Variants in ZNF69 observed in about 807,000 individuals in gnomAD.
ZNF69 encodes the protein ZNF3.
ZNF69 carries 47 observed loss-of-function variants against 50.9 expected under a neutral mutation model. The observed-to-expected ratio is 0.92, with a 90% CI of 0.73 to 1.18. ZNF69 has a LOEUF of 1.18. Ranked by LOEUF, ZNF69 falls within the 50% of genes most tolerant of loss-of-function variation. The pLI is 0.00. For synonymous variants in ZNF69, 216 were observed against 223.1 expected (o/e 0.97, Z 0.29); for missense variants, 717 against 675.1 (o/e 1.06, Z -0.69).
intron 1 of ZNF69, among the ~76,000 whole-genome samples, chr19:11,891,707 G>A (rs549056258): frequency 3.3e-5 from 5 of 152,230 alleles, no homozygotes; most frequent in Admixed American, 2.6e-4. Context: ...TATTGTTATG[G>A]GTATTGGGAC....
At chr19:11,932,758 C>T in the ZNF69 span, among the ~76,000 whole-genome samples, 1 of 146,632 alleles carries the variant, frequency 6.8e-6, no homozygotes, top group Non-Finnish European at 1.5e-5. Flanking sequence ...CTGTCTCAGC[C>T]TCCCAAGTAG....
the ZNF69 span, among the ~76,000 whole-genome samples, chr19:11,966,105 G>A: frequency 6.6e-6 from 1 of 152,144 alleles, no homozygotes; most frequent in Non-Finnish European, 1.5e-5. Context: ...GAATTCCAAG[G>A]CATGACTTAC....
At chr19:11,979,693 C>G in the ZNF69 span, 1 of 1,601,502 alleles carries the variant, frequency 6.2e-7, no homozygotes, top group Non-Finnish European at 8.5e-7. Context: ...CTGGGACTCA[C>G]CCTGAAGAGA....
chr19:11,944,557 A>T, the ZNF69 span, among the ~76,000 whole-genome samples: 1 of 152,218 alleles, frequency 6.6e-6, no homozygotes, highest in Non-Finnish European at 1.5e-5. Flanking sequence ...ACCTAGGAAT[A>T]AGATCTTGAA....
chr19:11,910,898 G>A (rs1165843671), downstream of ZNF69, among the ~76,000 whole-genome samples: 2 of 152,028 alleles, frequency 1.3e-5, no homozygotes, highest in Non-Finnish European at 2.9e-5. Flanking sequence ...CTACAGAATG[G>A]GAGAAAATTT....
At chr19:11,979,517 A>G in the ZNF69 span, 3 of 1,603,012 alleles carry the variant, frequency 1.9e-6, no homozygotes, top group South Asian at 1.1e-5. Flanking sequence ...AAGACATGAA[A>G]AAACTCACAC....
chr19:11,964,291 G>A, the ZNF69 span, among the ~76,000 whole-genome samples: 1 of 152,210 alleles, frequency 6.6e-6, no homozygotes, highest in African/African-American at 2.4e-5. Flanking sequence ...CCTTTCTGGT[G>A]TTGTACCTCT....
the ZNF69 span, among the ~76,000 whole-genome samples, chr19:11,951,837 G>A: frequency 2.6e-5 from 4 of 152,090 alleles, no homozygotes; most frequent in Admixed American, 2.0e-4. Context: ...GAGGAGCATC[G>A]TCTCATATGC....
the ZNF69 span, among the ~76,000 whole-genome samples, chr19:11,975,111 T>C: frequency 6.6e-6 from 1 of 151,640 alleles, no homozygotes; most frequent in Admixed American, 6.6e-5. Context: ...TTTTTTTTTC[T>C]CGTTGAGACT....
At chr19:11,974,134 C>CTTTCTTTCT in the ZNF69 span, among the ~76,000 whole-genome samples, 7 of 98,120 alleles carry the variant, frequency 7.1e-5, no homozygotes, top group African/African-American at 3.2e-4. Flanking sequence ...TCTTTTCTTT[C>CTTTCTTTCT]TTTCTTTCTT....
chr19:11,946,063 A>G, the ZNF69 span, among the ~76,000 whole-genome samples: 5 of 152,192 alleles, frequency 3.3e-5, no homozygotes, highest in Non-Finnish European at 5.9e-5. Context: ...CATCCTGACC[A>G]TGGGCTCGTT....
the ZNF69 span, chr19:11,977,054 A>G: frequency 5.0e-6 from 8 of 1,614,114 alleles, no homozygotes; most frequent in East Asian, 1.6e-4. Flanking sequence ...GTGGCCTGTG[A>G]GGATGTTGCT....
chr19:11,925,281 T>G, the ZNF69 span: 1 of 1,611,500 alleles, frequency 6.2e-7, no homozygotes, highest in East Asian at 2.2e-5. Flanking sequence ...ATGGTGCGTG[T>G]GCGGGACCAG....
intron 1 of ZNF69, among the ~76,000 whole-genome samples, chr19:11,897,694 A>G (rs1972155408): frequency 6.6e-6 from 1 of 151,504 alleles, no homozygotes; most frequent in African/African-American, 2.4e-5. Flanking sequence ...AACATGGTGA[A>G]TCCCCGCCTC....
chr19:11,954,827 CAAAA>C, the ZNF69 span, among the ~76,000 whole-genome samples: 6 of 151,370 alleles, frequency 4.0e-5, no homozygotes, highest in African/African-American at 1.2e-4. Flanking sequence ...TGTTAAAAAA[CAAAA>C]AACAAAAAAA....
At chr19:11,971,170 G>T in the ZNF69 span, among the ~76,000 whole-genome samples, 2 of 152,040 alleles carry the variant, frequency 1.3e-5, no homozygotes, top group African/African-American at 4.8e-5. Flanking sequence ...AGTTCTTGAG[G>T]TTGTGAAGTC....
the ZNF69 span, among the ~76,000 whole-genome samples, chr19:11,930,380 G>A: frequency 2.0e-5 from 3 of 148,478 alleles, 1 homozygote; most frequent in Admixed American, 6.6e-5. Flanking sequence ...GAATGCAGTT[G>A]TGGAACAAAT....
chr19:11,974,836 C>T, the ZNF69 span, among the ~76,000 whole-genome samples: 1 of 152,126 alleles, frequency 6.6e-6, no homozygotes, highest in African/African-American at 2.4e-5. Flanking sequence ...CTGCTGACCT[C>T]AAGTGATACG....
At chr19:11,937,074 GTTTTAC>G in the ZNF69 span, among the ~76,000 whole-genome samples, 141 of 152,244 alleles carry the variant, frequency 9.3e-4, 2 homozygotes, top group African/African-American at 3.2e-3. Context: ...AGTACTGACA[GTTTTAC>G]TTTGAAGTCC....
Sources: gnomAD v4.1 joint callset for allele counts (sites outside exome capture counted in the v4.1 genomes callset) on GRCh38, gnomAD v4.1.1 for gene constraint, MANE v1.5 for transcripts, NCBI Gene and HGNC (gene_info 2026-07-23, HGNC 2026-07-21) for gene names.